TSHZ2: variants seen among roughly 807,000 people sequenced by gnomAD.
TSHZ2 encodes teashirt homolog 2.
A neutral mutation model predicts 74.4 loss-of-function variants in TSHZ2; 21 were observed. The ratio of observed to expected loss-of-function variants is 0.28; its 90% CI spans 0.20 to 0.41. The LOEUF (loss-of-function observed/expected upper bound fraction) is 0.41. Among genes scored for constraint, TSHZ2 ranks in the 10% least tolerant of loss-of-function variants. The pLI is 1.00. For synonymous variants in TSHZ2, 540 were observed against 515.3 expected (o/e 1.05, Z -0.65); for missense variants, 1,244 against 1,293.5 (o/e 0.96, Z 0.59).
chr20:53,424,249 C>G (rs77196757), intron 2 of TSHZ2, among the ~76,000 whole-genome samples: 1 of 152,198 alleles, frequency 6.6e-6, no homozygotes, highest in African/African-American at 2.4e-5. Context: ...CCTCTCAAAT[C>G]GTGACAACCA....
intron 2 of TSHZ2, among the ~76,000 whole-genome samples, chr20:53,424,317 G>T (rs1983585087): frequency 6.6e-6 from 1 of 152,146 alleles, no homozygotes; most frequent in African/African-American, 2.4e-5. Flanking sequence ...TCCCCTGGGG[G>T]GCAAGTCATT....
In TSHZ2 at chr20:53,337,607, C is replaced by T. The variant is rs148381975; in HGVS notation, c.*8+81036C>T. ...GCCAATCCATAGGATCTTCCATGACCTAGTTACTGAACATCTAATGAGTAC... is the reference window on the plus strand; with the variant it reads ...GCCAATCCATAGGATCTTCCATGACTTAGTTACTGAACATCTAATGAGTAC... On this transcript the variant is annotated intron_variant, in intron 2 of 2. Coordinates refer to ENST00000371497, the MANE Select transcript of TSHZ2 (RefSeq NM_173485.6). Among the ~76,000 whole-genome samples, 10 of 152,282 alleles carry T rather than the reference C, an allele frequency of 6.6e-5. No homozygotes were observed. The East Asian group carries it at 1.7e-3, about 26-fold the overall frequency.
chr20:53,051,723 G>A (rs1457649690), intron 1 of TSHZ2, among the ~76,000 whole-genome samples: 3 of 152,162 alleles, frequency 2.0e-5, no homozygotes, highest in Admixed American at 6.5e-5. Flanking sequence ...TATGGGCTCC[G>A]ACTGCACAAG....
intron 1 of TSHZ2, among the ~76,000 whole-genome samples, chr20:53,182,613 A>G (rs571332899): frequency 2.4e-4 from 37 of 152,394 alleles, no homozygotes; most frequent in African/African-American, 8.9e-4. Context: ...TTAAAATGGT[A>G]TACATTTTGC....
At chr20:53,005,176 G>T (rs1029547941) in intron 1 of TSHZ2, among the ~76,000 whole-genome samples, 3 of 151,998 alleles carry the variant, frequency 2.0e-5, no homozygotes, top group Non-Finnish European at 4.4e-5. Context: ...TTAGCCAGGT[G>T]TGGTGGTGCA....
At chr20:53,078,079 G>A (rs748178808) in intron 1 of TSHZ2, among the ~76,000 whole-genome samples, 14 of 152,176 alleles carry the variant, frequency 9.2e-5, no homozygotes, top group African/African-American at 9.7e-5. Flanking sequence ...TGAATCTATC[G>A]GAAAGGAGGG....
At chr20:53,463,468 C>G (rs1985462620) in intron 2 of TSHZ2, among the ~76,000 whole-genome samples, 1 of 131,088 alleles carries the variant, frequency 7.6e-6, no homozygotes, top group Admixed American at 7.9e-5. Context: ...GGAAGGTTGG[C>G]TTAGGGGGTA....
intron 1 of TSHZ2, among the ~76,000 whole-genome samples, chr20:53,223,415 G>A (rs749297147): frequency 3.9e-5 from 6 of 151,932 alleles, no homozygotes; most frequent in Non-Finnish European, 7.4e-5. Context: ...TATTTGAGAC[G>A]GGGTCTTGCT....
chr20:53,019,292 G>A (rs1420812215), intron 1 of TSHZ2, among the ~76,000 whole-genome samples: 1 of 151,748 alleles, frequency 6.6e-6, no homozygotes, highest in Non-Finnish European at 1.5e-5. Context: ...TAAATTTCAG[G>A]GTATTTTATA....
intron 2 of TSHZ2, among the ~76,000 whole-genome samples, chr20:53,267,442 T>C (rs539620424): frequency 1.3e-5 from 2 of 152,242 alleles, no homozygotes; most frequent in Non-Finnish European, 2.9e-5. Context: ...TTAAAGGCGC[T>C]ATTCACATCT....
intron 2 of TSHZ2, among the ~76,000 whole-genome samples, chr20:53,433,622 C>G (rs932490296): frequency 2.7e-5 from 4 of 149,522 alleles, no homozygotes; most frequent in African/African-American, 7.4e-5. Flanking sequence ...CACACACACA[C>G]AGAATTTTAT....
intron 2 of TSHZ2, among the ~76,000 whole-genome samples, chr20:53,471,535 A>G (rs550698719): frequency 6.6e-6 from 1 of 152,342 alleles, no homozygotes; most frequent in Non-Finnish European, 1.5e-5. Flanking sequence ...AATGTAGTCA[A>G]GTCCTATGGG....
At chr20:53,111,550 C>G (rs777639588) in intron 1 of TSHZ2, among the ~76,000 whole-genome samples, 1 of 152,116 alleles carries the variant, frequency 6.6e-6, no homozygotes, top group Non-Finnish European at 1.5e-5. Context: ...AATGGAAAAG[C>G]AAGTCAGGTG....
intron 2 of TSHZ2, among the ~76,000 whole-genome samples, chr20:53,427,468 GA>G (rs1294193472): frequency 2.6e-5 from 4 of 151,956 alleles, no homozygotes; most frequent in East Asian, 1.9e-4. Context: ...TCTGTAGGGG[GA>G]AAAAAACTGT....
At chr20:53,155,101 T>G (rs1987765479) in intron 1 of TSHZ2, among the ~76,000 whole-genome samples, 1 of 149,286 alleles carries the variant, frequency 6.7e-6, no homozygotes, top group Non-Finnish European at 1.5e-5. Context: ...TACATAAAGG[T>G]TAATCTCTTT....
chr20:53,223,784 C>A (rs1989618402), intron 1 of TSHZ2, among the ~76,000 whole-genome samples: 1 of 152,046 alleles, frequency 6.6e-6, no homozygotes, highest in South Asian at 2.1e-4. Context: ...GGGGAGGTAG[C>A]TGTGGCCATA....
intron 2 of TSHZ2, among the ~76,000 whole-genome samples, chr20:53,437,285 C>T (rs1984122009): frequency 6.6e-6 from 1 of 152,046 alleles, no homozygotes; most frequent in South Asian, 2.1e-4. Flanking sequence ...CCAGCCTGGC[C>T]AACATGGTGA....
At chr20:53,090,416 G>T (rs6013626) in intron 1 of TSHZ2, among the ~76,000 whole-genome samples, 110 of 152,324 alleles carry the variant, frequency 7.2e-4, no homozygotes, top group Middle Eastern at 3.4e-3. Flanking sequence ...ATTCTGACTG[G>T]GGTTGAGAAT....
chr20:53,016,786 C>T (rs1182239128), intron 1 of TSHZ2, among the ~76,000 whole-genome samples: 1 of 152,184 alleles, frequency 6.6e-6, no homozygotes, highest in Non-Finnish European at 1.5e-5. Flanking sequence ...ATTCACGCTA[C>T]TCATCTGCCA....
Sources: gnomAD v4.1 joint callset for allele counts (sites outside exome capture counted in the v4.1 genomes callset) on GRCh38, gnomAD v4.1.1 for gene constraint, MANE v1.5 for transcripts, NCBI Gene and HGNC (gene_info 2026-07-23, HGNC 2026-07-21) for gene names.